The following C3orf33 variants were observed in gnomAD, a reference collection of about 807,000 sequenced individuals.
C3orf33 encodes AP-1 activity suppressor.
A neutral mutation model predicts 28.7 loss-of-function variants in C3orf33; 23 were observed. The ratio of observed to expected loss-of-function variants is 0.80; its 90% CI spans 0.58 to 1.13. C3orf33 has a LOEUF of 1.13. Among genes scored for constraint, C3orf33 ranks in the 50% most tolerant of loss-of-function variants. C3orf33 has a pLI of 0.00. For missense variants in C3orf33, 327 were observed against 353.4 expected (o/e 0.93, Z 0.60); for synonymous variants, 119 against 120.5 (o/e 0.99, Z 0.08).
intron 2 of C3orf33, among the ~76,000 whole-genome samples, chr3:155,800,928 A>G (rs1461610787): frequency 2.6e-5 from 4 of 152,168 alleles, no homozygotes; most frequent in Non-Finnish European, 4.4e-5. Context: ...CCAGAAAATA[A>G]TAACTGTTAG....
chr3:155,777,668 C>T (rs928975457), intron 2 of C3orf33, among the ~76,000 whole-genome samples: 2 of 152,186 alleles, frequency 1.3e-5, no homozygotes, highest in East Asian at 1.9e-4. Flanking sequence ...AATTCCTGGG[C>T]TCAAACAATC....
At chr3:155,795,617 G>A (rs1161217374) in intron 2 of C3orf33, among the ~76,000 whole-genome samples, 2 of 152,014 alleles carry the variant, frequency 1.3e-5, no homozygotes, top group Non-Finnish European at 2.9e-5. Context: ...TGACCACTGA[G>A]TCAACAAAAA....
intron 3 of C3orf33, among the ~76,000 whole-genome samples, chr3:155,768,268 A>G (rs1286871736): frequency 6.6e-6 from 1 of 152,204 alleles, no homozygotes; most frequent in Admixed American, 6.5e-5. Flanking sequence ...GCTTATTTTT[A>G]CACATACACA....
At position 155,798,074 on chromosome 3, in the gene C3orf33, GAA is replaced by G. The variant is rs34314152; in HGVS notation, c.174+4456_174+4457del. Among the ~76,000 whole-genome samples, 154 of 132,394 alleles carry G rather than the reference GAA, an allele frequency of 1.2e-3. 2 individuals are homozygous for G. The highest frequency in any genetic ancestry group is 8.0e-3 in the East Asian group (39 of 4,870). The allele number at this position is 132,394 out of a possible 152,430, so 86.9% of individuals were successfully genotyped here. A position where few individuals can be genotyped will look rare whatever the true frequency, so the allele number is the denominator to read the frequency against. On this transcript the variant is annotated intron_variant, in intron 2 of 4. Transcript: ENST00000340171. ...TGACAGGGCAAGTGTCTGTCTCAAA[GAA>G]AAAAAAAAAAAAGGCTATAAAACAC... is the stretch of plus-strand genomic sequence containing the variant.
At chr3:155,765,672 T>C (rs1240398308) in intron 4 of C3orf33, among the ~76,000 whole-genome samples, 1 of 152,102 alleles carries the variant, frequency 6.6e-6, no homozygotes, top group Admixed American at 6.6e-5. Context: ...CTCAACCTCC[T>C]GAGTAGCTGG....
At position 155,804,711 on chromosome 3, in the gene C3orf33, C is replaced by T. The variant is rs115035431; in HGVS notation, c.114+1428G>A. On this transcript the variant is annotated intron_variant, in intron 1 of 4. Coordinates refer to ENST00000340171, the MANE Select transcript of C3orf33 (RefSeq NM_001308229.2). ...TCCCCAGATTCTCAATGTTATAATC[C>T]CCCAAATTCTAGGGCTTCTTCAGTA... 6.9e-3 allele frequency among the ~76,000 whole-genome samples: 1,050 copies of T among 152,194 alleles called. 8 individuals carry two copies. The highest frequency in any genetic ancestry group is 0.024 in the African/African-American group (1,000 of 41,504).
At chr3:155,765,042 C>T (rs1391138510) in intron 4 of C3orf33, among the ~76,000 whole-genome samples, 4 of 152,276 alleles carry the variant, frequency 2.6e-5, no homozygotes, top group Admixed American at 2.6e-4. Flanking sequence ...TAAGCTCATT[C>T]CCTTGAACCA....
At chr3:155,779,634 CA>C (rs1463803642) in intron 2 of C3orf33, among the ~76,000 whole-genome samples, 1 of 151,648 alleles carries the variant, frequency 6.6e-6, no homozygotes, top group Non-Finnish European at 1.5e-5. Context: ...CAAACTGGAG[CA>C]AAGCCAGAAG....
intron 4 of C3orf33, among the ~76,000 whole-genome samples, chr3:155,765,724 T>C (rs1265558079): frequency 6.6e-6 from 1 of 152,062 alleles, no homozygotes; most frequent in Non-Finnish European, 1.5e-5. Context: ...ATTTTTGTAT[T>C]TTTAGTAGTG....
At chr3:155,776,512 G>A (rs1182159048) in intron 2 of C3orf33, among the ~76,000 whole-genome samples, 3 of 152,066 alleles carry the variant, frequency 2.0e-5, no homozygotes, top group Non-Finnish European at 4.4e-5. Flanking sequence ...AGCCAGGCAC[G>A]ATGGCTTATG....
Position 155,792,002 on chromosome 3 carries a change from C to T in C3orf33, c.174+10530G>A, listed in dbSNP as rs569230915. On this transcript the variant is annotated intron_variant, in intron 2 of 4. Transcript: ENST00000340171. ...GCAAACACAGGTAGTGACAAGGCAG[C>T]GGTTACCATGGGCCCTGGGAGAGAC... is the stretch of plus-strand genomic sequence containing the variant. 1.5e-4 allele frequency among the ~76,000 whole-genome samples: 23 copies of T among 151,980 alleles called. 1 individual carries two copies. Among genetic ancestry groups the T allele is most frequent in the East Asian group, 5.8e-4 (3 of 5,150 alleles).
At position 155,789,428 on chromosome 3, in the gene C3orf33, G is replaced by A. The variant is rs549720040; in HGVS notation, c.174+13104C>T. Among the ~76,000 whole-genome samples the A allele has an allele frequency of 1.3e-4, 19 of 151,384 alleles. No individual in the cohort carries two copies. The South Asian group carries it at 2.5e-3, about 20-fold the overall frequency. On this transcript the variant is annotated intron_variant, in intron 2 of 4. Coordinates refer to ENST00000340171, the MANE Select transcript of C3orf33 (RefSeq NM_001308229.2). ...GGAATTAACCAGGACAGTGAAAGAC[G>A]CATACAATAAAACTACAAAACATTG...
chr3:155,798,455 A>C (rs1023185223), intron 2 of C3orf33, among the ~76,000 whole-genome samples: 1 of 152,194 alleles, frequency 6.6e-6, no homozygotes, highest in Non-Finnish European at 1.5e-5. Context: ...GAGAACCCAC[A>C]AACAAATCCA....
intron 2 of C3orf33, among the ~76,000 whole-genome samples, chr3:155,790,163 CAAAAAAAAAAAAAAA>C (rs35285462): frequency 2.6e-5 from 1 of 38,694 alleles, no homozygotes; most frequent in Non-Finnish European, 4.3e-5. Flanking sequence ...AACTCTGTCT[CAAAAAAAAAAAAAAA>C]AAAAAAAAAA....
At chr3:155,764,688 T>TAAA (rs565230610) in intron 4 of C3orf33, among the ~76,000 whole-genome samples, 3 of 145,928 alleles carry the variant, frequency 2.1e-5, no homozygotes, top group African/African-American at 5.0e-5. Context: ...CCACCTCTGC[T>TAAA]AAAAAAAAAA....
At chr3:155,770,684 T>A (rs1750553534) in intron 3 of C3orf33, among the ~76,000 whole-genome samples, 1 of 152,190 alleles carries the variant, frequency 6.6e-6, no homozygotes, top group Non-Finnish European at 1.5e-5. Context: ...TTTTATCTTT[T>A]TGAGATGCAG....
intron 2 of C3orf33, among the ~76,000 whole-genome samples, chr3:155,776,402 G>A (rs1750749531): frequency 6.6e-6 from 1 of 152,090 alleles, no homozygotes; most frequent in African/African-American, 2.4e-5. Flanking sequence ...TGATATCCTG[G>A]AATCAATCAA....
intron 3 of C3orf33, 119 bp downstream of exon 3, chr3:155,775,582 T>C: frequency 3.3e-6 from 2 of 601,044 alleles, no homozygotes; most frequent in Admixed American, 4.1e-5. Flanking sequence ...ATTGAGACTT[T>C]CTCATGGACA....
intron 2 of C3orf33, among the ~76,000 whole-genome samples, chr3:155,777,325 T>TA (rs1043109255): frequency 3.3e-5 from 5 of 149,842 alleles, no homozygotes; most frequent in South Asian, 4.2e-4. Flanking sequence ...AAAAAAAAAT[T>TA]AAAAAAAAAA....
Sources: allele counts gnomAD v4.1 joint callset (sites outside exome capture counted in the v4.1 genomes callset), GRCh38; gene constraint gnomAD v4.1.1; transcripts MANE v1.5; gene names NCBI Gene and HGNC (gene_info 2026-07-23, HGNC 2026-07-21).